Variants in METTL16 observed in about 807,000 individuals in gnomAD.
METTL16 encodes RNA N(6)-adenosine-methyltransferase METTL16.
A neutral mutation model predicts 57.9 loss-of-function variants in METTL16; 19 were observed. The ratio of observed to expected loss-of-function variants is 0.33; its 90% CI spans 0.23 to 0.48. METTL16 has a LOEUF of 0.48. Among genes scored for constraint, METTL16 ranks in the 20% least tolerant of loss-of-function variants. The probability of loss-of-function intolerance (pLI) is 0.99; values close to 1 mark genes in which losing one functional copy is unlikely to be tolerated. For missense variants in METTL16, 434 were observed against 691.5 expected, an observed-to-expected ratio of 0.63 and a Z score of 4.18; for synonymous variants, 246 against 255.6, an observed-to-expected ratio of 0.96 and a Z score of 0.36.
intron 8 of METTL16, among the ~76,000 whole-genome samples, chr17:2,429,507 G>C (rs1295968380): frequency 6.7e-6 from 1 of 150,222 alleles, no homozygotes; most frequent in Admixed American, 6.7e-5. Context: ...ACATTTATCC[G>C]GCTTTACTAG....
At chr17:2,477,489 C>T (rs2067276433) in intron 3 of METTL16, 197 bp downstream of exon 3, 1 of 577,574 alleles carries the variant, frequency 1.7e-6, no homozygotes, top group Admixed American at 3.0e-5. Flanking sequence ...CGCACATTGC[C>T]TTTGAGCAAC....
intron 1 of METTL16, among the ~76,000 whole-genome samples, chr17:2,505,197 T>C (rs894768375): frequency 6.6e-6 from 1 of 151,782 alleles, no homozygotes; most frequent in African/African-American, 2.4e-5. Flanking sequence ...GCAAGTGACT[T>C]TTATTTTCTT....
At chr17:2,468,831 C>T (rs1391367710) in intron 4 of METTL16, among the ~76,000 whole-genome samples, 4 of 151,854 alleles carry the variant, frequency 2.6e-5, no homozygotes, top group South Asian at 2.1e-4. Flanking sequence ...GAGGCTGCAG[C>T]GAGCCATGAT....
Position 2,465,585 on chromosome 17 carries a change from G to GGGCAT in METTL16, c.586-1240_586-1236dup, listed in dbSNP as rs575120244. 1.7e-3 allele frequency among the ~76,000 whole-genome samples: 249 copies of GGGCAT among 148,808 alleles called. 1 individual carries two copies. The highest frequency in any genetic ancestry group is 2.8e-3 in the Non-Finnish European group (192 of 67,500). The stretch of plus-strand genomic sequence containing the variant: ...AAAAAAAAAAAAGACAGATCAGGCT[G>GGGCAT]GGCATGGTGGCTCATGCCTGTAATC... On this transcript the variant is annotated intron_variant, in intron 5 of 9. Transcript: ENST00000263092.
chr17:2,489,472 C>A (rs770506023), intron 2 of METTL16, among the ~76,000 whole-genome samples: 1 of 151,898 alleles, frequency 6.6e-6, no homozygotes, highest in Admixed American at 6.6e-5. Context: ...CTGGCCAACA[C>A]GGTGAAACCC....
chr17:2,464,167 G>A (rs1567894968), intron 6 of METTL16, 41 bp downstream of exon 6: 1 of 1,584,224 alleles, frequency 6.3e-7, no homozygotes, highest in Non-Finnish European at 8.6e-7. Flanking sequence ...AAATATTCCT[G>A]TGTTGTAAAG....
intron 4 of METTL16, 49 bp from the exon 5 acceptor site, chr17:2,467,925 C>A: frequency 1.5e-6 from 2 of 1,326,292 alleles, no homozygotes; most frequent in Non-Finnish European, 2.2e-6. Context: ...TGCAGTGGTT[C>A]TAAAGTATAA....
intron 8 of METTL16, among the ~76,000 whole-genome samples, chr17:2,423,389 G>A (rs1185805549): frequency 6.6e-6 from 1 of 151,974 alleles, no homozygotes; most frequent in African/African-American, 2.4e-5. Flanking sequence ...CAGACAAGAT[G>A]AGACAAATTC....
chr17:2,482,673 G>A lies in METTL16; in HGVS notation c.129-4788C>T, dbSNP rs556705799. 1.7e-4 allele frequency among the ~76,000 whole-genome samples: 26 copies of A among 152,322 alleles called. No homozygotes were observed. In the South Asian group the frequency reaches 2.5e-3, roughly 15 times the overall value. Reference sequence around the variant, plus strand: ...TGTAATCTCAGCACTTTGGGAGGCCGAGGTGGGCGGACTGCTTGAGCTCAG... The same window carrying A: ...TGTAATCTCAGCACTTTGGGAGGCCAAGGTGGGCGGACTGCTTGAGCTCAG... On this transcript the variant is annotated intron_variant, in intron 2 of 9. Transcript: ENST00000263092.
chr17:2,462,914 C>G (rs2067160883), intron 6 of METTL16, among the ~76,000 whole-genome samples: 1 of 152,158 alleles, frequency 6.6e-6, no homozygotes, highest in African/African-American at 2.4e-5. Context: ...AAAGCTAAAT[C>G]CTTGGATTGA....
At chr17:2,438,931 G>T (rs1042576749) in intron 7 of METTL16, among the ~76,000 whole-genome samples, 5 of 152,136 alleles carry the variant, frequency 3.3e-5, no homozygotes, top group African/African-American at 1.2e-4. Flanking sequence ...ATTTACCCAA[G>T]AAATGGTATT....
chr17:2,487,003 C>CAAA lies in METTL16; in HGVS notation c.129-9121_129-9119dup, dbSNP rs11397318. On this transcript the variant is annotated intron_variant, in intron 2 of 9. Transcript: ENST00000263092. The stretch of plus-strand genomic sequence containing the variant: ...TGGGCAACAGAGTGAGATCCTGTCT[C>CAAA]AAAAAAAAAAAAAAAAAAAAAAAGG... Among the ~76,000 whole-genome samples the CAAA allele has an allele frequency of 3.3e-3, 185 of 56,736 alleles. 2 individuals are homozygous for CAAA. The highest frequency in any genetic ancestry group is 3.7e-3 in the South Asian group (4 of 1,068). The allele number at this position is 56,736 out of a possible 152,430, so 37.2% of individuals were successfully genotyped here.
At chr17:2,421,950 A>C (rs1272002968) in intron 8 of METTL16, among the ~76,000 whole-genome samples, 1 of 152,164 alleles carries the variant, frequency 6.6e-6, no homozygotes, top group Non-Finnish European at 1.5e-5. Flanking sequence ...GGCATCTTCC[A>C]TTCTATCTCA....
intron 2 of METTL16, among the ~76,000 whole-genome samples, chr17:2,499,664 T>C (rs2067473326): frequency 1.3e-5 from 2 of 152,208 alleles, no homozygotes; most frequent in African/African-American, 4.8e-5. Context: ...TTTAAATATA[T>C]TTTTAATTTC....
chr17:2,427,748 T>C (rs987506701), intron 8 of METTL16, among the ~76,000 whole-genome samples: 4 of 152,080 alleles, frequency 2.6e-5, no homozygotes, highest in African/African-American at 9.6e-5. Context: ...CACAGGATTT[T>C]TGAATGGGAG....
At chr17:2,488,949 T>G (rs2067363741) in intron 2 of METTL16, among the ~76,000 whole-genome samples, 1 of 152,118 alleles carries the variant, frequency 6.6e-6, no homozygotes, top group African/African-American at 2.4e-5. Flanking sequence ...TTTTAAACAC[T>G]CTCATGGGTC....
At chr17:2,446,181 G>A (rs2066993935) in intron 6 of METTL16, among the ~76,000 whole-genome samples, 1 of 152,072 alleles carries the variant, frequency 6.6e-6, no homozygotes, top group Non-Finnish European at 1.5e-5. Context: ...AAAAAACTCT[G>A]TAACAGCCAA....
intron 8 of METTL16, among the ~76,000 whole-genome samples, chr17:2,433,279 G>C (rs1305748342): frequency 6.6e-6 from 1 of 152,200 alleles, no homozygotes; most frequent in East Asian, 1.9e-4. Context: ...CCATGGGAAG[G>C]CTGTGGAGAC....
chr17:2,500,731 T>A (rs1446579123), intron 2 of METTL16, among the ~76,000 whole-genome samples: 1 of 152,174 alleles, frequency 6.6e-6, no homozygotes, highest in African/African-American at 2.4e-5. Context: ...AGATAGTTCT[T>A]TCTCAGAGGT....
Sources: gnomAD v4.1 joint callset for allele counts (sites outside exome capture counted in the v4.1 genomes callset) on GRCh38, gnomAD v4.1.1 for gene constraint, MANE v1.5 for transcripts, NCBI Gene and HGNC (gene_info 2026-07-23, HGNC 2026-07-21) for gene names.